UNC80: variants seen among roughly 807,000 people sequenced by gnomAD.
UNC80 encodes unc-80 subunit of NALCN channel complex, also known as protein unc-80 homolog.
A neutral mutation model predicts 384.6 loss-of-function variants in UNC80; 164 were observed. The ratio of observed to expected loss-of-function variants is 0.43; its 90% CI spans 0.38 to 0.49. The LOEUF is 0.49. Among genes scored for constraint, UNC80 ranks in the 20% least tolerant of loss-of-function variants. The pLI is 0.00. For synonymous variants in UNC80, 1,486 were observed against 1,527.8 expected, an observed-to-expected ratio of 0.97 and a Z score of 0.64; for missense variants, 3,330 against 4,143.0, an observed-to-expected ratio of 0.80 and a Z score of 5.39.
At chr2:209,926,805 T>C in intron 35 of UNC80, 38 bp from the exon 36 acceptor site, 1 of 1,550,346 alleles carries the variant, frequency 6.5e-7, no homozygotes. Context: ...AGAATTACGT[T>C]ACTGAGAAAA....
At chr2:209,775,804 T>A (rs1414065216) in intron 2 of UNC80, 85 bp from the exon 3 acceptor site, 2 of 1,432,812 alleles carry the variant, frequency 1.4e-6, no homozygotes, top group Non-Finnish European at 1.9e-6. Flanking sequence ...CTGTTCATTT[T>A]TTCACTAACC....
intron 7 of UNC80, among the ~76,000 whole-genome samples, chr2:209,804,006 G>A (rs994570616): frequency 1.3e-5 from 2 of 152,064 alleles, no homozygotes; most frequent in African/African-American, 4.8e-5. Flanking sequence ...CACAGTGCTG[G>A]GATTACAGGT....
chr2:209,781,042 C>G (rs1208021877), intron 4 of UNC80, among the ~76,000 whole-genome samples: 1 of 152,130 alleles, frequency 6.6e-6, no homozygotes, highest in African/African-American at 2.4e-5. Flanking sequence ...TGATTTTTCC[C>G]CTCAGGTTCC....
At chr2:209,828,147 G>A (rs1208497692) in intron 14 of UNC80, among the ~76,000 whole-genome samples, 1 of 152,056 alleles carries the variant, frequency 6.6e-6, no homozygotes, top group Non-Finnish European at 1.5e-5. Context: ...TTGTACTTCA[G>A]GACCTGCCAA....
intron 21 of UNC80, among the ~76,000 whole-genome samples, chr2:209,846,695 A>G (rs2082195994): frequency 6.6e-6 from 1 of 152,120 alleles, no homozygotes; most frequent in African/African-American, 2.4e-5. Flanking sequence ...ATAAATATTA[A>G]ACAAATGCAG....
At chr2:209,834,228 G>T in intron 17 of UNC80, 60 bp downstream of exon 17, 4 of 1,502,762 alleles carry the variant, frequency 2.7e-6, no homozygotes, top group Non-Finnish European at 3.6e-6. Flanking sequence ...AATAAAATCT[G>T]TTGTACTGTT....
intron 29 of UNC80, among the ~76,000 whole-genome samples, chr2:209,909,169 T>C (rs2088619529): frequency 6.6e-6 from 1 of 152,234 alleles, no homozygotes; most frequent in African/African-American, 2.4e-5. Flanking sequence ...CTCCAGAAGT[T>C]AGTCTAGTTT....
At chr2:209,904,740 A>G in intron 28 of UNC80, 25 bp from the exon 29 acceptor site, 1 of 1,550,362 alleles carries the variant, frequency 6.5e-7, no homozygotes, top group Non-Finnish European at 8.7e-7. Flanking sequence ...TGCCTGGCTG[A>G]GTCTCAGGAA....
At position 209,927,017 on chromosome 2, in the gene UNC80, A is replaced by G. The variant is rs1242723478; in HGVS notation, c.5806+31A>G. On this transcript the variant is annotated intron_variant, in intron 36 of 64. Transcript: ENST00000673920. The stretch of plus-strand genomic sequence containing the variant: ...GTTTTGAACAGTCAGATCATCAGTG[A>G]CATTCTTAAGCTGTTTATCTGATAG... The G allele has an allele frequency of 4.5e-6, 7 of 1,549,652 alleles. No individual in the cohort carries two copies. The East Asian group carries it at 1.7e-4, about 38-fold the overall frequency.
intron 21 of UNC80, among the ~76,000 whole-genome samples, chr2:209,845,629 T>C (rs1686667980): frequency 1.3e-5 from 2 of 152,198 alleles, no homozygotes; most frequent in African/African-American, 2.4e-5. Flanking sequence ...TATTTTTGCA[T>C]GTCTAGAAAA....
chr2:209,815,155 T>C, intron 8 of UNC80, 102 bp from the exon 9 acceptor site: 1 of 1,162,674 alleles, frequency 8.6e-7, no homozygotes, highest in Non-Finnish European at 1.2e-6. Context: ...TTCAAAGATG[T>C]CAAAGCTATA....
chr2:209,817,147 A>G lies in UNC80; in HGVS notation c.1552+22A>G, dbSNP rs747922190. 14 of 1,547,488 alleles carry G rather than the reference A, an allele frequency of 9.0e-6. No homozygotes were observed. The East Asian group carries it at 2.9e-4, about 32-fold the overall frequency. Reference sequence around the variant, plus strand: ...TTAGGTGACCACAAGGCCTTCCAAAATAGGGCAGAGTTTAAGTGACCTGTT... The same window carrying G: ...TTAGGTGACCACAAGGCCTTCCAAAGTAGGGCAGAGTTTAAGTGACCTGTT... On this transcript the variant is annotated intron_variant, in intron 10 of 64. Coordinates refer to ENST00000673920, the MANE Select transcript of UNC80 (RefSeq NM_001371986.1).
At chr2:209,808,718 G>C in intron 7 of UNC80, 1 of 226,006 alleles carries the variant, frequency 4.4e-6, no homozygotes, top group Non-Finnish European at 8.8e-6. Context: ...CGGAGCGGCT[G>C]CACTCATTGC....
chr2:209,883,035 A>G (rs1175321901), intron 25 of UNC80, among the ~76,000 whole-genome samples: 1 of 152,062 alleles, frequency 6.6e-6, no homozygotes, highest in Non-Finnish European at 1.5e-5. Context: ...TTACACTAGG[A>G]TTTTCATTGT....
intron 35 of UNC80, among the ~76,000 whole-genome samples, chr2:209,923,591 C>T (rs2090205848): frequency 6.6e-6 from 1 of 152,138 alleles, no homozygotes. Context: ...TCTCTCAGTA[C>T]CATGAAATCT....
intron 9 of UNC80, among the ~76,000 whole-genome samples, chr2:209,815,764 A>G (rs116025532): frequency 0.012 from 1,820 of 152,306 alleles, 37 homozygotes; most frequent in African/African-American, 0.041. Flanking sequence ...ATTTAATCCA[A>G]TGACATCCTT....
chr2:209,808,871 C>T, intron 7 of UNC80: 1 of 297,158 alleles, frequency 3.4e-6, no homozygotes, highest in South Asian at 3.1e-5. Context: ...AGCAAACTGC[C>T]GGACTCGAAT....
intron 27 of UNC80, among the ~76,000 whole-genome samples, chr2:209,896,112 C>T (rs1327955407): frequency 6.6e-6 from 1 of 152,088 alleles, no homozygotes; most frequent in African/African-American, 2.4e-5. Context: ...TCATAAATGT[C>T]TTTGAAATTG....
chr2:209,917,090 A>T (rs2089607498), intron 31 of UNC80, among the ~76,000 whole-genome samples: 1 of 152,202 alleles, frequency 6.6e-6, no homozygotes, highest in Non-Finnish European at 1.5e-5. Flanking sequence ...CATTGTTAGG[A>T]TCTGTGAAAG....
Sources: allele counts gnomAD v4.1 joint callset (sites outside exome capture counted in the v4.1 genomes callset), GRCh38; gene constraint gnomAD v4.1.1; transcripts MANE v1.5; gene names NCBI Gene and HGNC (gene_info 2026-07-23, HGNC 2026-07-21).